The following VPS9D1 variants were observed in gnomAD, a reference collection of about 807,000 sequenced individuals.
VPS9D1 encodes VPS9 domain containing 1.
Under a neutral mutation model 75.8 loss-of-function variants are expected in VPS9D1, and 78 were observed. The ratio of observed to expected loss-of-function variants is 1.03; its 90% CI spans 0.86 to 1.24. The LOEUF is 1.24. Among genes scored for constraint, VPS9D1 ranks in the 50% most tolerant of loss-of-function variants. The pLI is 0.00. For missense variants in VPS9D1, 1,057 were observed against 847.7 expected (o/e 1.25, Z -3.07); for synonymous variants, 481 against 385.6 (o/e 1.25, Z -2.90).
At chr16:89,711,157 G>A (rs2060908694) in intron 9 of VPS9D1, 147 bp from the exon 10 acceptor site, 4 of 1,184,966 alleles carry the variant, frequency 3.4e-6, no homozygotes, top group South Asian at 3.2e-5. Context: ...CCCCCGCTGG[G>A]GAGGTTGGAG....
intron 12 of VPS9D1, 99 bp from the exon 13 acceptor site, chr16:89,709,055 C>T (rs2060856457): frequency 2.8e-6 from 3 of 1,062,082 alleles, no homozygotes; most frequent in Admixed American, 2.9e-5. Flanking sequence ...ATGTGCACGG[C>T]TGGGAAGAGC....
intron 6 of VPS9D1, 175 bp downstream of exon 6, chr16:89,712,285 G>A: frequency 7.6e-7 from 1 of 1,311,460 alleles, no homozygotes; most frequent in Non-Finnish European, 1.0e-6. Context: ...CAGAGAACAT[G>A]GGGGACGGCG....
Position 89,716,517 on chromosome 16 carries a change from G to A in VPS9D1, c.376C>T (p.Leu126=). 1 of 1,614,122 alleles carries A rather than the reference G, an allele frequency of 6.2e-7. No homozygotes were observed. The change falls in exon 4 of 15, where the codon CTG becomes TTG. Residue 126 remains leucine (L), a synonymous_variant. Coordinates refer to ENST00000389386, the MANE Select transcript of VPS9D1 (RefSeq NM_004913.3). ...SDEGGKLSPF[L]PPEIFQKLQG... is the part of the protein sequence containing the mutation. ...AGCTTCTGGAAGATCTCGGGTGGCA[G>A]AAAAGGAGAGAGCTTTCCTCCTTCA... is the stretch of plus-strand genomic sequence containing the variant.
chr16:89,711,160 G>T, intron 9 of VPS9D1, 150 bp from the exon 10 acceptor site: 1 of 1,170,572 alleles, frequency 8.5e-7, no homozygotes, highest in Non-Finnish European at 1.2e-6. Flanking sequence ...CCGCTGGGGA[G>T]GTTGGAGAAG....
Position 89,707,598 on chromosome 16 carries a change from A to G in VPS9D1, c.*263T>C. The G allele has an allele frequency of 2.2e-6, 1 of 450,152 alleles. No individual in the cohort carries two copies. The highest frequency in any genetic ancestry group is 4.0e-5 in the East Asian group (1 of 25,022). The allele number at this position is 450,152 out of a possible 1,614,324, so 27.9% of individuals were successfully genotyped here. A position where few individuals can be genotyped will look rare whatever the true frequency, so the allele number is the denominator to read the frequency against. On this transcript the variant is annotated 3_prime_UTR_variant, in exon 15 of 15. Coordinates refer to ENST00000389386, the MANE Select transcript of VPS9D1 (RefSeq NM_004913.3). ...TTCTTGGCCTCTCTGAGGCCTACACAGGAGAGCAGGGCCTGGTTCCTCCTG... is the reference window on the plus strand; with the variant it reads ...TTCTTGGCCTCTCTGAGGCCTACACGGGAGAGCAGGGCCTGGTTCCTCCTG...
Position 89,709,363 on chromosome 16 carries a change from G to T in VPS9D1, c.1461C>A (p.Ala487=). 2 of 1,574,632 alleles carry T rather than the reference G, an allele frequency of 1.3e-6. No homozygotes were observed. The highest frequency in any genetic ancestry group is 1.7e-6 in the Non-Finnish European group (2 of 1,164,138). The change falls in exon 12 of 15, where the codon GCC becomes GCA. Residue 487 remains alanine (A), a synonymous_variant. Transcript: ENST00000389386. ...MELYRNAPPT[A]IGIPTKLLPQ... ...GGAGGAGCTTGGTGGGGATGCCAAT[G>T]GCGGTGGGGGGTGCATTCCTGTAGA...
chr16:89,720,673 C>A, intron 1 of VPS9D1, 90 bp downstream of exon 1: 1 of 1,266,494 alleles, frequency 7.9e-7, no homozygotes, highest in Non-Finnish European at 9.9e-7. Flanking sequence ...AAGTCTCCAG[C>A]CCGAGCCGGC....
At position 89,720,862 on chromosome 16, in the gene VPS9D1, G is replaced by A. The variant is rs1361059329; in HGVS notation, c.-1C>T. The A allele has an allele frequency of 1.4e-6, 2 of 1,384,538 alleles. No homozygotes were observed. Among genetic ancestry groups the A allele is most frequent in the African/African-American group, 1.5e-5 (1 of 66,444 alleles). The allele number at this position is 1,384,538 out of a possible 1,614,324, so 85.8% of individuals were successfully genotyped here. The stretch of plus-strand genomic sequence containing the variant: ...TGCCGTCCCCGGCCGCAGCGGCCAT[G>A]GCGCCGAGCGGGGGAGGCGGCGGCG... On this transcript the variant is annotated 5_prime_UTR_variant, in exon 1 of 15. Coordinates refer to ENST00000389386, the MANE Select transcript of VPS9D1 (RefSeq NM_004913.3).
rs2060904761 is a variant in VPS9D1, at chr16:89,711,022, G to A, written c.834-12C>T. ...GGTGGTCGGGGAGGCTGCGGGAGAA[G>A]AGGACGTGAGAACGCGGCCAGCCTC... On this transcript the variant is annotated splice_polypyrimidine_tract_variant and intron_variant, in intron 9 of 14. Coordinates refer to ENST00000389386, the MANE Select transcript of VPS9D1 (RefSeq NM_004913.3). 7.0e-7 allele frequency: 1 copy of A among 1,436,432 alleles called. No homozygotes were observed. The highest frequency in any genetic ancestry group is 9.1e-7 in the Non-Finnish European group (1 of 1,100,268). The allele number at this position is 1,436,432 out of a possible 1,614,324, so 89.0% of individuals were successfully genotyped here.
intron 4 of VPS9D1, among the ~76,000 whole-genome samples, chr16:89,714,941 G>A (rs765492688): frequency 2.0e-5 from 3 of 151,954 alleles, no homozygotes; most frequent in African/African-American, 7.3e-5. Flanking sequence ...CACCATGTTA[G>A]CCAGGCTGGT....
chr16:89,712,456 C>G lies in VPS9D1; in HGVS notation c.606+4G>C. ...GGGACCACCAGGGCGGTCAGAAAGGCTGCTGTCTCCTCCCGGGCTTTGGCA... is the reference window on the plus strand; with the variant it reads ...GGGACCACCAGGGCGGTCAGAAAGGGTGCTGTCTCCTCCCGGGCTTTGGCA... On this transcript the variant is annotated splice_donor_region_variant and intron_variant, in intron 6 of 14. Coordinates refer to ENST00000389386, the MANE Select transcript of VPS9D1 (RefSeq NM_004913.3). 6.2e-7 allele frequency: 1 copy of G among 1,613,130 alleles called. No homozygotes were observed. The highest frequency in any genetic ancestry group is 8.5e-7 in the Non-Finnish European group (1 of 1,179,998).
chr16:89,720,674 C>T, intron 1 of VPS9D1, 89 bp downstream of exon 1: 2 of 1,268,892 alleles, frequency 1.6e-6, no homozygotes, highest in South Asian at 2.6e-5. Context: ...AGTCTCCAGC[C>T]CGAGCCGGCC....
chr16:89,716,453 C>A lies in VPS9D1; in HGVS notation c.431+9G>T. 1.2e-6 allele frequency: 2 copies of A among 1,613,898 alleles called. No individual in the cohort carries two copies. ...AGGCTCATCCCACCTCCCATCTTGT[C>A]CATCTTACTTCTTACAGCTTTGTGA... On this transcript the variant is annotated intron_variant, in intron 4 of 14. Transcript: ENST00000389386.
rs752259383 is a variant in VPS9D1 at position 89,712,119 on chromosome 16, G to A, written c.607-20C>T. 1.4e-5 allele frequency: 22 copies of A among 1,548,116 alleles called. No homozygotes were observed. Among genetic ancestry groups the A allele is most frequent in the African/African-American group, 8.2e-5 (6 of 72,968 alleles). On this transcript the variant is annotated intron_variant, in intron 6 of 14. Transcript: ENST00000389386. Reference sequence around the variant, plus strand: ...CTGGAGCTGGGTGCAGAGTCAAGGGGCCGAGCGTGGGATCTGAGCGGGCCC... The same window carrying A: ...CTGGAGCTGGGTGCAGAGTCAAGGGACCGAGCGTGGGATCTGAGCGGGCCC...
At chr16:89,714,973 T>A (rs2061027342) in intron 4 of VPS9D1, among the ~76,000 whole-genome samples, 1 of 152,100 alleles carries the variant, frequency 6.6e-6, no homozygotes, top group African/African-American at 2.4e-5. Context: ...GACCTTGTGA[T>A]CTGCCTGCCT....
chr16:89,714,768 C>T (rs2061022103), intron 4 of VPS9D1, among the ~76,000 whole-genome samples: 1 of 152,044 alleles, frequency 6.6e-6, no homozygotes, highest in Middle Eastern at 3.2e-3. Context: ...CGGAGTCTCG[C>T]TCTGTTGCTA....
At chr16:89,714,059 C>T (rs1384986782) in intron 4 of VPS9D1, among the ~76,000 whole-genome samples, 1 of 152,076 alleles carries the variant, frequency 6.6e-6, no homozygotes. Context: ...GCCTCAGCCT[C>T]CCGAGTAGCT....
rs1339700591 is a variant in VPS9D1 at position 89,711,771 on chromosome 16, T to G, written c.747+111A>C. The G allele has an allele frequency of 6.1e-6, 7 of 1,148,976 alleles. No individual in the cohort carries two copies. The South Asian group carries it at 6.3e-5, about 10-fold the overall frequency. The allele number at this position is 1,148,976 out of a possible 1,614,324, so 71.2% of individuals were successfully genotyped here. ...CGGGCCTCTGGCCCCGCCCCCTCAC[T>G]GCCCCCCACAGCCTCTGGCTCCGCC... On this transcript the variant is annotated intron_variant, in intron 8 of 14. Transcript: ENST00000389386.
In VPS9D1 at chr16:89,716,786, A is replaced by T; in HGVS notation, c.212T>A (p.Met71Lys). The change falls in exon 3 of 15, where the codon ATG becomes AAG. Residue 71 changes from methionine to lysine, a missense_variant. By Grantham distance (95) the Met-to-Lys change is moderately conservative. Coordinates refer to ENST00000389386, the MANE Select transcript of VPS9D1 (RefSeq NM_004913.3). ...CAGACACTGCTGTGCTAGCTTCAGC[A>T]TCTTGGAGGTGTCGGGGGGCACAGT... The part of the protein sequence containing the change: ...GETVPPDTSK[M>K]LKLAQQCLER... 1 of 1,590,728 alleles carries T rather than the reference A, an allele frequency of 6.3e-7. No individual in the cohort carries two copies. Among genetic ancestry groups the T allele is most frequent in the Non-Finnish European group, 8.5e-7 (1 of 1,173,604 alleles).
Sources: gnomAD v4.1 joint callset for allele counts (sites outside exome capture counted in the v4.1 genomes callset) on GRCh38, gnomAD v4.1.1 for gene constraint, MANE v1.5 for transcripts, NCBI Gene and HGNC (gene_info 2026-07-23, HGNC 2026-07-21) for gene names.